Variants in NWD1 observed in about 807,000 individuals in gnomAD.
NWD1 encodes the protein NACHT domain- and WD repeat-containing protein 1.
Under a neutral mutation model 135.1 loss-of-function variants are expected in NWD1, and 129 were observed. The ratio of observed to expected loss-of-function variants is 0.96; its 90% confidence interval spans 0.83 to 1.11. NWD1 has a LOEUF of 1.11. Among genes scored for constraint, NWD1 ranks in the 50% least tolerant of loss-of-function variants. The probability of loss-of-function intolerance (pLI) is 0.00; values close to 1 mark genes in which losing one functional copy is unlikely to be tolerated. For synonymous variants in NWD1, 773 were observed against 786.0 expected, an observed-to-expected ratio of 0.98 and a Z score of 0.28; for missense variants, 1,740 against 1,851.3, an observed-to-expected ratio of 0.94 and a Z score of 1.10.
intron 12 of NWD1, among the ~76,000 whole-genome samples, chr19:16,787,858 T>C (rs1338357712): frequency 7.0e-6 from 1 of 143,448 alleles, no homozygotes; most frequent in Non-Finnish European, 1.5e-5. Flanking sequence ...AGACTCCATC[T>C]CAAAATAGTA....
chr19:16,733,332 C>T (rs1303315433), intron 3 of NWD1, among the ~76,000 whole-genome samples: 1 of 151,836 alleles, frequency 6.6e-6, no homozygotes, highest in African/African-American at 2.4e-5. Context: ...ACCAGCCTGG[C>T]CAACATGGTG....
At chr19:16,726,562 C>A (rs1319639745) in intron 2 of NWD1, among the ~76,000 whole-genome samples, 1 of 152,128 alleles carries the variant, frequency 6.6e-6, no homozygotes, top group Non-Finnish European at 1.5e-5. Context: ...GCCTCAGCCT[C>A]CCAAGTAGCT....
intron 18 of NWD1, 55 bp downstream of exon 18, chr19:16,808,191 A>G: frequency 1.3e-6 from 2 of 1,509,626 alleles, no homozygotes. Context: ...GAAAACTGAT[A>G]GATAGCCATC....
At chr19:16,756,512 CTATT>C (rs1568356609) in intron 6 of NWD1, among the ~76,000 whole-genome samples, 1 of 152,168 alleles carries the variant, frequency 6.6e-6, no homozygotes, top group African/African-American at 2.4e-5. Flanking sequence ...CTATTTATAT[CTATT>C]TATCTATCAT....
chr19:16,724,179 A>G (rs905033387), intron 1 of NWD1, among the ~76,000 whole-genome samples, 187 bp from the exon 2 acceptor site: 2 of 152,196 alleles, frequency 1.3e-5, no homozygotes, highest in Non-Finnish European at 1.5e-5. Flanking sequence ...AGTAGAATCA[A>G]TATCACTGTT....
At position 16,773,236 on chromosome 19, in the gene NWD1, T is replaced by A. The variant is rs1163537370; in HGVS notation, c.2521T>A (p.Cys841Ser). The A allele has an allele frequency of 1.4e-5, 23 of 1,613,646 alleles. No homozygotes were observed. Among genetic ancestry groups the A allele is most frequent in the Non-Finnish European group, 1.9e-5 (22 of 1,180,032 alleles). ...CQQAQSWFQL[C>S]AHPVLVPLGG... ...ACAGGCCCAGAGCTGGTTCCAGTTG[T>A]GCGCACACCCTGTGCTGGTGCCCCT... The change falls in exon 11 of 19, where the codon TGC becomes AGC. Residue 841 changes from cysteine to serine, a missense_variant. Cys to Ser is a moderately radical substitution (Grantham distance 112). Coordinates refer to ENST00000524140, the MANE Select transcript of NWD1 (RefSeq NM_001007525.5).
chr19:16,762,697 T>G (rs1343191397), intron 8 of NWD1, among the ~76,000 whole-genome samples: 1 of 152,218 alleles, frequency 6.6e-6, no homozygotes. Flanking sequence ...TCTTTTTCTC[T>G]GTCTTCCCTG....
chr19:16,732,678 G>GAAAAAAAAAAAAAAA (rs1967629872), intron 3 of NWD1, among the ~76,000 whole-genome samples: 4 of 51,612 alleles, frequency 7.8e-5, no homozygotes, highest in African/African-American at 5.3e-4. Flanking sequence ...AAGAAAAAGT[G>GAAAAAAAAAAAAAAA]AAAAAGTGCA....
chr19:16,778,945 C>T (rs141775503), intron 11 of NWD1, among the ~76,000 whole-genome samples: 9 of 152,268 alleles, frequency 5.9e-5, no homozygotes, highest in Non-Finnish European at 8.8e-5. Flanking sequence ...GGTTGTCATG[C>T]GTTGCTGGGT....
intron 18 of NWD1, among the ~76,000 whole-genome samples, chr19:16,811,929 TC>T (rs1970937564): frequency 6.6e-6 from 1 of 152,078 alleles, no homozygotes; most frequent in Non-Finnish European, 1.5e-5. Context: ...GGCAGAGGAA[TC>T]GCTTAAACCC....
intron 14 of NWD1, among the ~76,000 whole-genome samples, chr19:16,793,896 T>A (rs1265149782): frequency 6.6e-6 from 1 of 152,002 alleles, no homozygotes; most frequent in Non-Finnish European, 1.5e-5. Context: ...GTTTTTAATT[T>A]AAAAAATTTT....
At chr19:16,751,860 AAAG>A (rs5827343) in intron 6 of NWD1, among the ~76,000 whole-genome samples, 6,355 of 151,244 alleles carry the variant, frequency 0.042, 456 homozygotes, top group African/African-American at 0.15. Context: ...AAAGAAAAAA[AAAG>A]AAGGAAAGAA....
rs534253214 is a variant in NWD1, at chr19:16,732,556, G to A, written c.81+1278G>A. 1.6e-4 allele frequency among the ~76,000 whole-genome samples: 23 copies of A among 147,098 alleles called. No individual in the cohort carries two copies. The South Asian group carries it at 4.9e-3, about 32-fold the overall frequency. On this transcript the variant is annotated intron_variant, in intron 3 of 18. Coordinates refer to ENST00000524140, the MANE Select transcript of NWD1 (RefSeq NM_001007525.5). ...GTTTGGCACAGTCCCAAAACAGTAGGAGCCCCTAATGCTGTCTCCTTGTAC... is the reference window on the plus strand; with the variant it reads ...GTTTGGCACAGTCCCAAAACAGTAGAAGCCCCTAATGCTGTCTCCTTGTAC...
chr19:16,721,948 C>T (rs775499597), intron 1 of NWD1, among the ~76,000 whole-genome samples: 2 of 151,708 alleles, frequency 1.3e-5, no homozygotes, highest in South Asian at 4.2e-4. Flanking sequence ...CCCGTCCCTA[C>T]AAAAAATAAA....
At chr19:16,745,810 A>G (rs537809758) in intron 5 of NWD1, among the ~76,000 whole-genome samples, 6 of 152,256 alleles carry the variant, frequency 3.9e-5, no homozygotes, top group African/African-American at 1.2e-4. Context: ...CCAGCTACTC[A>G]GGAGGCTGAG....
chr19:16,816,587 T>A lies in NWD1; in HGVS notation c.*1548T>A, dbSNP rs1971073259. 1 of 152,346 alleles carries A rather than the reference T, an allele frequency of 6.6e-6. No homozygotes were observed. Among genetic ancestry groups the A allele is most frequent in the South Asian group, 2.1e-4 (1 of 4,830 alleles). 9.4% of individuals were successfully genotyped at this position (152,346 alleles called of 1,614,324 possible). On this transcript the variant is annotated 3_prime_UTR_variant, in exon 19 of 19. Transcript: ENST00000524140. ...CCTTGTGCAAGTTCAACAGTCAAAC[T>A]GTTTTCATTCCACTTAAGTGGATCT... is the stretch of plus-strand genomic sequence containing the variant.
chr19:16,778,744 A>G (rs924926924), intron 11 of NWD1, among the ~76,000 whole-genome samples: 1 of 152,028 alleles, frequency 6.6e-6, no homozygotes, highest in Non-Finnish European at 1.5e-5. Flanking sequence ...CCTGACCTCA[A>G]GTGATCCGCC....
chr19:16,770,006 C>G (rs1969361104), intron 10 of NWD1, among the ~76,000 whole-genome samples: 1 of 152,138 alleles, frequency 6.6e-6, no homozygotes, highest in Admixed American at 6.6e-5. Flanking sequence ...CCTGGCTTGT[C>G]TTTGCCTTTA....
chr19:16,731,620 T>TTTTTTTG (rs1967572177), intron 3 of NWD1, among the ~76,000 whole-genome samples: 1 of 150,382 alleles, frequency 6.6e-6, no homozygotes, highest in Non-Finnish European at 1.5e-5. Flanking sequence ...CTTTTTTTTT[T>TTTTTTTG]TTGAGACAGA....
Sources: gnomAD v4.1 joint callset for allele counts (sites outside exome capture counted in the v4.1 genomes callset) on GRCh38, gnomAD v4.1.1 for gene constraint, MANE v1.5 for transcripts, NCBI Gene and HGNC (gene_info 2026-07-23, HGNC 2026-07-21) for gene names.